The following NAALADL2 variants were observed in gnomAD, a reference collection of about 807,000 sequenced individuals.
NAALADL2 encodes the protein inactive N-acetylated-alpha-linked acidic dipeptidase-like protein 2.
In NAALADL2, 76 loss-of-function variants were observed where a neutral mutation model predicts 87.2. The observed-to-expected ratio is 0.87, with a 90% CI of 0.72 to 1.05. NAALADL2 has a LOEUF of 1.05. NAALADL2 is among the 50% of genes least tolerant of loss of function. The pLI is 0.00. For missense variants in NAALADL2, 1,089 were observed against 945.8 expected (o/e 1.15, Z -1.99); for synonymous variants, 354 against 331.0 (o/e 1.07, Z -0.75).
At chr3:175,293,739 C>T (rs78587379) in intron 4 of NAALADL2, among the ~76,000 whole-genome samples, 19,660 of 152,150 alleles carry the variant, frequency 0.13, 1,539 homozygotes, top group African/African-American at 0.21. Context: ...AAAGTGAACC[C>T]TCATCAGACA....
At chr3:175,473,790 A>C (rs1415283642) in intron 9 of NAALADL2, among the ~76,000 whole-genome samples, 2 of 152,052 alleles carry the variant, frequency 1.3e-5, no homozygotes, top group African/African-American at 4.8e-5. Context: ...TTTTTGAAAT[A>C]AAAAAGAACT....
At chr3:175,137,504 T>G (rs2108688521) in intron 2 of NAALADL2, among the ~76,000 whole-genome samples, 1 of 152,218 alleles carries the variant, frequency 6.6e-6, no homozygotes, top group East Asian at 1.9e-4. Flanking sequence ...AACCTTAAAA[T>G]TAATATTTCT....
At chr3:174,597,110 A>G (rs768176886) in intron 2 of NAALADL2, among the ~76,000 whole-genome samples, 1 of 152,190 alleles carries the variant, frequency 6.6e-6, no homozygotes, top group Non-Finnish European at 1.5e-5. Context: ...ATAATTTACT[A>G]TAGTGAAAGG....
chr3:175,039,492 G>A (rs999242859), intron 1 of NAALADL2, among the ~76,000 whole-genome samples: 10 of 152,036 alleles, frequency 6.6e-5, no homozygotes, highest in African/African-American at 1.9e-4. Flanking sequence ...CTATTCTCTC[G>A]TATGCAGGCA....
At chr3:175,615,613 C>A (rs1042473704) in intron 10 of NAALADL2, among the ~76,000 whole-genome samples, 6 of 151,824 alleles carry the variant, frequency 4.0e-5, no homozygotes, top group Non-Finnish European at 5.9e-5. Flanking sequence ...ATCCCAGCAC[C>A]TTGGGGGGCC....
chr3:175,278,924 A>G (rs892220148), intron 4 of NAALADL2, among the ~76,000 whole-genome samples: 6 of 152,180 alleles, frequency 3.9e-5, no homozygotes, highest in African/African-American at 2.4e-5. Context: ...TCATCTTACA[A>G]TGCAACTTCC....
At chr3:175,553,988 T>C (rs988241463) in intron 9 of NAALADL2, among the ~76,000 whole-genome samples, 12 of 152,074 alleles carry the variant, frequency 7.9e-5, no homozygotes, top group Admixed American at 2.0e-4. Context: ...ATGAGTACTA[T>C]GTAGAAAATT....
chr3:174,776,819 C>T (rs1044799325), intron 3 of NAALADL2, among the ~76,000 whole-genome samples: 2 of 152,110 alleles, frequency 1.3e-5, no homozygotes, highest in African/African-American at 4.8e-5. Flanking sequence ...TCATTGCTCA[C>T]CATGCATGAC....
intron 5 of NAALADL2, among the ~76,000 whole-genome samples, chr3:175,378,757 G>A (rs9290550): frequency 6.6e-6 from 1 of 152,030 alleles, no homozygotes; most frequent in Admixed American, 6.5e-5. Context: ...CTCATTTCAG[G>A]ATTCAAAACA....
In NAALADL2 at chr3:175,441,743, T is replaced by C. The variant is rs143307070; in HGVS notation, c.1091-5486T>C. Among the ~76,000 whole-genome samples, 124 of 151,918 alleles carry C rather than the reference T, an allele frequency of 8.2e-4. 1 individual carries two copies. In the East Asian group the frequency reaches 0.017, roughly 20 times the overall value. On this transcript the variant is annotated intron_variant, in intron 5 of 13. Coordinates refer to ENST00000454872, the MANE Select transcript of NAALADL2 (RefSeq NM_207015.3). Reference sequence around the variant, plus strand: ...GGTTGAGTTGTGTATACTCCTAAATTCTGAAGTTGTGTTATTCTTCTCATT... The same window carrying C: ...GGTTGAGTTGTGTATACTCCTAAATCCTGAAGTTGTGTTATTCTTCTCATT...
chr3:175,033,268 C>CT (rs1184502130), intron 1 of NAALADL2, among the ~76,000 whole-genome samples: 2 of 151,982 alleles, frequency 1.3e-5, no homozygotes, highest in Non-Finnish European at 2.9e-5. Flanking sequence ...TTAGAAAGAA[C>CT]TTTTTTGCCC....
At chr3:174,522,085 T>G (rs1381912269) in intron 1 of NAALADL2, among the ~76,000 whole-genome samples, 1 of 151,758 alleles carries the variant, frequency 6.6e-6, no homozygotes, top group Non-Finnish European at 1.5e-5. Context: ...GGCAACAGAG[T>G]GAGACTCTGT....
chr3:175,525,426 G>C (rs1733255140), intron 9 of NAALADL2, among the ~76,000 whole-genome samples: 1 of 152,076 alleles, frequency 6.6e-6, no homozygotes, highest in Admixed American at 6.6e-5. Context: ...CTAGCCTGTT[G>C]TGGACACATC....
chr3:175,022,701 T>C (rs1362569823), intron 1 of NAALADL2, among the ~76,000 whole-genome samples: 2 of 152,132 alleles, frequency 1.3e-5, no homozygotes, highest in Non-Finnish European at 2.9e-5. Flanking sequence ...AATCCTTGCC[T>C]GCCAACTCTG....
At chr3:174,699,527 A>G (rs1213065692) in intron 2 of NAALADL2, among the ~76,000 whole-genome samples, 2 of 152,052 alleles carry the variant, frequency 1.3e-5, no homozygotes, top group Admixed American at 1.3e-4. Context: ...GATGGTGTTT[A>G]GCCATACATT....
At chr3:175,385,276 T>A (rs1162964670) in intron 5 of NAALADL2, among the ~76,000 whole-genome samples, 1 of 152,100 alleles carries the variant, frequency 6.6e-6, no homozygotes, top group African/African-American at 2.4e-5. Context: ...ACCCCAATTT[T>A]CCTGGTAAGT....
At chr3:174,489,122 T>C (rs1208431639) in intron 1 of NAALADL2, among the ~76,000 whole-genome samples, 2 of 152,122 alleles carry the variant, frequency 1.3e-5, no homozygotes, top group Non-Finnish European at 2.9e-5. Context: ...CAGATTATGA[T>C]AATATGATAT....
chr3:174,682,925 C>A (rs1727687007), intron 2 of NAALADL2, among the ~76,000 whole-genome samples: 1 of 152,146 alleles, frequency 6.6e-6, no homozygotes, highest in Non-Finnish European at 1.5e-5. Flanking sequence ...TTTAAGGCAC[C>A]AGTAGCTAAT....
At chr3:174,892,442 AAAC>A (rs1199958985) in intron 1 of NAALADL2, among the ~76,000 whole-genome samples, 21 of 148,632 alleles carry the variant, frequency 1.4e-4, no homozygotes, top group African/African-American at 5.2e-4. Flanking sequence ...CTGTCAGAGG[AAAC>A]AAACAAACAA....
Sources: allele counts gnomAD v4.1 joint callset (sites outside exome capture counted in the v4.1 genomes callset), GRCh38; gene constraint gnomAD v4.1.1; transcripts MANE v1.5; gene names NCBI Gene and HGNC (gene_info 2026-07-23, HGNC 2026-07-21).